The following CNTNAP2 variants were observed in gnomAD, a reference collection of about 807,000 sequenced individuals.
CNTNAP2 encodes contactin associated protein 2.
A neutral mutation model predicts 155.2 loss-of-function variants in CNTNAP2; 98 were observed. The observed-to-expected ratio is 0.63, with a 90% CI of 0.54 to 0.75. CNTNAP2 has a LOEUF of 0.75. Among genes scored for constraint, CNTNAP2 ranks in the 30% least tolerant of loss-of-function variants. The pLI is 0.00. For synonymous variants in CNTNAP2, 651 were observed against 631.2 expected (o/e 1.03, Z -0.47); for missense variants, 1,727 against 1,688.1 (o/e 1.02, Z -0.40).
chr7:147,270,294 AGTATGTATTT>A (rs200013160), intron 8 of CNTNAP2, among the ~76,000 whole-genome samples: 2,264 of 152,308 alleles, frequency 0.015, 66 homozygotes, highest in African/African-American at 0.052. Context: ...TGAAATACTC[AGTATGTATTT>A]GTATGTACAT....
intron 13 of CNTNAP2, among the ~76,000 whole-genome samples, chr7:147,711,282 C>G: frequency 6.6e-6 from 1 of 152,086 alleles, no homozygotes; most frequent in East Asian, 1.9e-4. Flanking sequence ...AACCCAAATT[C>G]CTGAGCTTTA....
chr7:147,648,304 G>T (rs557657966), intron 13 of CNTNAP2, among the ~76,000 whole-genome samples: 1 of 152,170 alleles, frequency 6.6e-6, no homozygotes, highest in Non-Finnish European at 1.5e-5. Flanking sequence ...CAAGAAGGGA[G>T]CTAAAGACAA....
Position 147,989,007 on chromosome 7 carries a change from T to G in CNTNAP2, c.2383+11018T>G, listed in dbSNP as rs1801667184. Reference sequence around the variant, plus strand: ...TTTATGTTTCAGTGAGGGTGAAAATTTTAACAAAGTGGAGGAGATTAGGAT... The same window carrying G: ...TTTATGTTTCAGTGAGGGTGAAAATGTTAACAAAGTGGAGGAGATTAGGAT... On this transcript the variant is annotated intron_variant, in intron 15 of 23. Transcript: ENST00000361727. Among the ~76,000 whole-genome samples, 3 of 152,144 alleles carry G rather than the reference T, an allele frequency of 2.0e-5. No homozygotes were observed. In the South Asian group the frequency reaches 6.2e-4, roughly 32 times the overall value.
chr7:146,134,214 C>T (rs903170745), intron 1 of CNTNAP2, among the ~76,000 whole-genome samples: 1 of 151,548 alleles, frequency 6.6e-6, no homozygotes, highest in African/African-American at 2.4e-5. Context: ...GGCTGTTTGT[C>T]TGTTGTTGGT....
chr7:147,449,669 T>C (rs1584954656), intron 10 of CNTNAP2, among the ~76,000 whole-genome samples: 6 of 152,260 alleles, frequency 3.9e-5, no homozygotes, highest in South Asian at 2.1e-4. Flanking sequence ...GGCTAAGATA[T>C]AAACATCCAG....
intron 21 of CNTNAP2, among the ~76,000 whole-genome samples, chr7:148,306,492 T>C (rs1316269668): frequency 2.6e-5 from 4 of 152,190 alleles, no homozygotes; most frequent in Non-Finnish European, 5.9e-5. Flanking sequence ...TTGTTCAATT[T>C]CTTTGGCTGT....
At chr7:147,704,996 A>G (rs1796289730) in intron 13 of CNTNAP2, among the ~76,000 whole-genome samples, 1 of 151,660 alleles carries the variant, frequency 6.6e-6, no homozygotes, top group African/African-American at 2.4e-5. Context: ...TATTGATTTC[A>G]TCTTTTAAAA....
rs746189120 is a variant in CNTNAP2 at position 148,118,124 on chromosome 7, A to T, written c.2390A>T (p.Tyr797Phe). Residue 797 changes from tyrosine (Y) to phenylalanine (F), a missense_variant, in exon 16 of 24, where the codon TAT becomes TTT. Transcript: ENST00000361727. The stretch of plus-strand genomic sequence containing the variant: ...TTTTGTTTTCTTCCCACAGGGAATT[A>T]TTGGAATGCCGCCTCTTTCCCAAAC... ...GPLRCQGDRN[Y>F]WNAASFPNPS... The T allele has an allele frequency of 1.9e-6, 3 of 1,614,058 alleles. No homozygotes were observed. The highest frequency in any genetic ancestry group is 2.5e-6 in the Non-Finnish European group (3 of 1,179,970).
At chr7:146,569,980 C>T (rs1584986164) in intron 1 of CNTNAP2, among the ~76,000 whole-genome samples, 1 of 152,136 alleles carries the variant, frequency 6.6e-6, no homozygotes, top group Non-Finnish European at 1.5e-5. Context: ...ATTTCAGGGG[C>T]TACGTGTATA....
intron 1 of CNTNAP2, among the ~76,000 whole-genome samples, chr7:146,570,269 C>T (rs1249472235): frequency 1.3e-5 from 2 of 151,936 alleles, no homozygotes. Flanking sequence ...CACCAGCAAA[C>T]ACTGGATAAT....
At chr7:147,153,918 G>C (rs1265477092) in intron 8 of CNTNAP2, among the ~76,000 whole-genome samples, 2 of 152,120 alleles carry the variant, frequency 1.3e-5, no homozygotes, top group African/African-American at 4.8e-5. Flanking sequence ...GAAGTGCTGA[G>C]AAGTGGTTGG....
chr7:146,330,906 G>C (rs963009734), intron 1 of CNTNAP2, among the ~76,000 whole-genome samples: 9 of 152,150 alleles, frequency 5.9e-5, no homozygotes, highest in Non-Finnish European at 1.3e-4. Flanking sequence ...ATTGTGATGA[G>C]GATTTCTGGA....
intron 21 of CNTNAP2, among the ~76,000 whole-genome samples, chr7:148,342,151 C>T (rs902251963): frequency 3.9e-5 from 6 of 152,230 alleles, no homozygotes; most frequent in East Asian, 1.9e-4. Flanking sequence ...CTCTCTGCTG[C>T]GGTGGTTTAT....
chr7:146,239,427 C>T (rs1799525049), intron 1 of CNTNAP2, among the ~76,000 whole-genome samples: 1 of 152,106 alleles, frequency 6.6e-6, no homozygotes, highest in Admixed American at 6.6e-5. Context: ...AGCCTAATAA[C>T]CCTGAAATAG....
chr7:148,288,057 G>A lies in CNTNAP2; in HGVS notation c.3475+20931G>A, dbSNP rs552203691. ...GGCCCGCCTTGGCCCCCCAAAGTGC[G>A]GGGATTACAGGCGTGAGCCACCGCG... On this transcript the variant is annotated intron_variant, in intron 21 of 23. Coordinates refer to ENST00000361727, the MANE Select transcript of CNTNAP2 (RefSeq NM_014141.6). Among the ~76,000 whole-genome samples, 61 of 146,072 alleles carry A rather than the reference G, an allele frequency of 4.2e-4. 1 individual carries two copies. The South Asian group carries it at 0.012, about 30-fold the overall frequency.
chr7:148,286,695 A>T (rs1797089742), intron 21 of CNTNAP2, among the ~76,000 whole-genome samples: 1 of 152,214 alleles, frequency 6.6e-6, no homozygotes. Flanking sequence ...TCACATTATT[A>T]ATTAAACAAA....
intron 1 of CNTNAP2, among the ~76,000 whole-genome samples, chr7:146,128,564 A>G (rs1797670789): frequency 6.6e-6 from 1 of 152,192 alleles, no homozygotes. Flanking sequence ...TACTACTTTT[A>G]TAGATAGCCA....
rs147181241 is a variant in CNTNAP2 at position 147,596,148 on chromosome 7, T to C, written c.1897+33891T>C. ...GACTTGTTAAAAATGAAACTTTTGA[T>C]CCCTCCACCAGGAAAATGTGTTCTT... On this transcript the variant is annotated intron_variant, in intron 12 of 23. Transcript: ENST00000361727. 2.5e-4 allele frequency among the ~76,000 whole-genome samples: 38 copies of C among 152,234 alleles called. No individual in the cohort carries two copies. In the East Asian group the frequency reaches 7.0e-3, roughly 28 times the overall value.
chr7:146,327,114 A>G (rs1801110692), intron 1 of CNTNAP2, among the ~76,000 whole-genome samples: 1 of 152,258 alleles, frequency 6.6e-6, no homozygotes, highest in African/African-American at 2.4e-5. Context: ...GGATCAAGGG[A>G]GAAATTTCAC....
Sources: gnomAD v4.1 joint callset for allele counts (sites outside exome capture counted in the v4.1 genomes callset) on GRCh38, gnomAD v4.1.1 for gene constraint, MANE v1.5 for transcripts, NCBI Gene and HGNC (gene_info 2026-07-23, HGNC 2026-07-21) for gene names.